Variants in SLC24A2 observed in about 807,000 individuals in gnomAD.
SLC24A2 encodes the protein sodium/potassium/calcium exchanger 2.
In SLC24A2, 36 loss-of-function variants were observed where a neutral mutation model predicts 62.0. The ratio of observed to expected loss-of-function variants is 0.58; its 90% CI spans 0.44 to 0.77. The LOEUF is 0.77. Among genes scored for constraint, SLC24A2 ranks in the 30% least tolerant of loss-of-function variants. The pLI is 0.00. For missense variants in SLC24A2, 846 were observed against 817.9 expected (o/e 1.03, Z -0.42); for synonymous variants, 358 against 294.0 (o/e 1.22, Z -2.23).
the SLC24A2 span, among the ~76,000 whole-genome samples, chr9:20,266,607 C>T: frequency 6.6e-6 from 1 of 151,996 alleles, no homozygotes; most frequent in Non-Finnish European, 1.5e-5. Context: ...TTCAGGGACA[C>T]ACAAAATTAT....
At chr9:19,775,903 G>C (rs1822831335) in intron 2 of SLC24A2, among the ~76,000 whole-genome samples, 1 of 152,218 alleles carries the variant, frequency 6.6e-6, no homozygotes, top group East Asian at 1.9e-4. Context: ...CTGAAAGAAA[G>C]GAAGAAGGAG....
chr9:19,555,453 C>T (rs1003416239), intron 7 of SLC24A2, among the ~76,000 whole-genome samples: 2 of 152,184 alleles, frequency 1.3e-5, no homozygotes, highest in East Asian at 3.8e-4. Context: ...GATCTGTGCT[C>T]ACCATGTTGC....
At chr9:20,171,304 T>TAA in the SLC24A2 span, among the ~76,000 whole-genome samples, 123 of 149,752 alleles carry the variant, frequency 8.2e-4, 2 homozygotes, top group South Asian at 0.02. Flanking sequence ...AAAAATACAA[T>TAA]AAAAAAAAAC....
At chr9:19,733,677 A>C (rs1821407405) in intron 2 of SLC24A2, among the ~76,000 whole-genome samples, 1 of 152,188 alleles carries the variant, frequency 6.6e-6, no homozygotes, top group African/African-American at 2.4e-5. Flanking sequence ...TATAAAAATA[A>C]TCTTACTTGT....
chr9:20,242,732 C>T, the SLC24A2 span, among the ~76,000 whole-genome samples: 3 of 152,200 alleles, frequency 2.0e-5, no homozygotes, highest in Admixed American at 1.3e-4. Flanking sequence ...TAATTAAAAA[C>T]GGAGAGCTTA....
chr9:20,154,633 C>G, the SLC24A2 span, among the ~76,000 whole-genome samples: 1 of 121,798 alleles, frequency 8.2e-6, no homozygotes, highest in Non-Finnish European at 1.7e-5. Flanking sequence ...TTTGCCAACT[C>G]AGTGTTTTCT....
the SLC24A2 span, among the ~76,000 whole-genome samples, chr9:19,986,318 G>T: frequency 1.3e-5 from 2 of 152,084 alleles, no homozygotes; most frequent in Non-Finnish European, 2.9e-5. Context: ...GTACATTGCT[G>T]GTGGGAATAA....
At chr9:19,946,121 T>C in the SLC24A2 span, among the ~76,000 whole-genome samples, 2 of 152,196 alleles carry the variant, frequency 1.3e-5, no homozygotes, top group African/African-American at 2.4e-5. Context: ...TTAACCCTCA[T>C]TGAATGGTTC....
At chr9:19,852,717 C>A in the SLC24A2 span, among the ~76,000 whole-genome samples, 1 of 152,142 alleles carries the variant, frequency 6.6e-6, no homozygotes, top group Non-Finnish European at 1.5e-5. Context: ...GTTTTGGTTA[C>A]TGTAGCCTGG....
At chr9:19,542,861 C>T (rs933334864) in intron 8 of SLC24A2, among the ~76,000 whole-genome samples, 4 of 152,194 alleles carry the variant, frequency 2.6e-5, no homozygotes, top group Non-Finnish European at 1.5e-5. Context: ...GGGATTTTCG[C>T]ATCGATGTTC....
the SLC24A2 span, among the ~76,000 whole-genome samples, chr9:20,021,983 T>C: frequency 6.6e-6 from 1 of 152,182 alleles, no homozygotes; most frequent in African/African-American, 2.4e-5. Flanking sequence ...CAGTCTACAC[T>C]CTTGCCTTAC....
chr9:19,944,696 C>T, the SLC24A2 span, among the ~76,000 whole-genome samples: 1 of 152,128 alleles, frequency 6.6e-6, no homozygotes, highest in Non-Finnish European at 1.5e-5. Context: ...TTCTATTAAA[C>T]CATGAGGCAT....
the SLC24A2 span, among the ~76,000 whole-genome samples, chr9:19,949,255 A>T: frequency 5.2e-4 from 79 of 152,240 alleles, no homozygotes; most frequent in Non-Finnish European, 7.6e-4. Flanking sequence ...CGGCCTCCCA[A>T]AGTGCTGGGA....
chr9:19,684,571 C>T (rs931520505), intron 2 of SLC24A2, among the ~76,000 whole-genome samples: 2 of 152,078 alleles, frequency 1.3e-5, no homozygotes, highest in East Asian at 3.9e-4. Flanking sequence ...ATCTGACAGG[C>T]AAAGGTGACC....
intron 2 of SLC24A2, among the ~76,000 whole-genome samples, chr9:19,693,638 C>T (rs994713572): frequency 6.6e-6 from 1 of 152,044 alleles, no homozygotes; most frequent in African/African-American, 2.4e-5. Context: ...AGGACATCGA[C>T]AAGACTGATA....
At chr9:20,093,062 T>A in the SLC24A2 span, among the ~76,000 whole-genome samples, 9 of 151,842 alleles carry the variant, frequency 5.9e-5, no homozygotes, top group Non-Finnish European at 1.0e-4. Context: ...ATTTTCAGGG[T>A]TTTTTTGTTC....
the SLC24A2 span, among the ~76,000 whole-genome samples, chr9:20,212,052 G>A: frequency 2.7e-5 from 4 of 148,674 alleles, no homozygotes; most frequent in African/African-American, 1.0e-4. Flanking sequence ...CAATAAATGG[G>A]TTGAACTTCC....
At chr9:19,689,394 T>G (rs1377472445) in intron 2 of SLC24A2, among the ~76,000 whole-genome samples, 2 of 152,184 alleles carry the variant, frequency 1.3e-5, no homozygotes, top group Non-Finnish European at 2.9e-5. Flanking sequence ...GCTCCTATGA[T>G]TTGATATTCT....
At chr9:19,922,914 A>T in the SLC24A2 span, among the ~76,000 whole-genome samples, 1 of 150,920 alleles carries the variant, frequency 6.6e-6, no homozygotes, top group African/African-American at 2.4e-5. Context: ...ATTTACATGA[A>T]ATATCTTAAA....
Sources: allele counts gnomAD v4.1 joint callset (sites outside exome capture counted in the v4.1 genomes callset), GRCh38; gene constraint gnomAD v4.1.1; transcripts MANE v1.5; gene names NCBI Gene and HGNC (gene_info 2026-07-23, HGNC 2026-07-21).